GABRB1: variants seen among roughly 807,000 people sequenced by gnomAD.
GABRB1 encodes the protein gamma-aminobutyric acid type A receptor subunit beta1.
Under a neutral mutation model 51.6 loss-of-function variants are expected in GABRB1, and 17 were observed. That is an observed-to-expected ratio of 0.33 (90% confidence interval 0.23 to 0.49). GABRB1 has a LOEUF of 0.49. Ranked by LOEUF, GABRB1 falls within the 20% of genes least tolerant of loss-of-function variation. The pLI is 0.99. For synonymous variants in GABRB1, 247 were observed against 218.9 expected (o/e 1.13, Z -1.14); for missense variants, 410 against 600.6 (o/e 0.68, Z 3.32).
intron 3 of GABRB1, among the ~76,000 whole-genome samples, chr4:47,153,615 T>C (rs574170780): frequency 1.5e-4 from 23 of 152,212 alleles, no homozygotes; most frequent in Middle Eastern, 3.4e-3. Context: ...GTTCATTTTA[T>C]TGGAATCCAT....
chr4:47,270,835 A>G (rs1722844875), intron 4 of GABRB1, among the ~76,000 whole-genome samples: 1 of 152,200 alleles, frequency 6.6e-6, no homozygotes, highest in Non-Finnish European at 1.5e-5. Context: ...CTTCCCTGGA[A>G]GAACTTCAAA....
Position 47,031,893 on chromosome 4 carries a change from G to A in GABRB1, c.81-21G>A, listed in dbSNP as rs1194757371. 10 of 1,605,024 alleles carry A rather than the reference G, an allele frequency of 6.2e-6. No individual in the cohort carries two copies. The South Asian group carries it at 1.1e-4, about 18-fold the overall frequency. Reference sequence around the variant, plus strand: ...ACAGTTTGTGCTCATTTTGAATACGGTCCCTACTTCTTCCCCTTAGCACCA... The same window carrying A: ...ACAGTTTGTGCTCATTTTGAATACGATCCCTACTTCTTCCCCTTAGCACCA... On this transcript the variant is annotated intron_variant, in intron 1 of 8. Transcript: ENST00000295454.
intron 4 of GABRB1, among the ~76,000 whole-genome samples, chr4:47,260,141 T>C (rs1722371230): frequency 6.6e-6 from 1 of 152,228 alleles, no homozygotes. Context: ...GAGGCTAGGA[T>C]TGCAACCCCT....
intron 4 of GABRB1, among the ~76,000 whole-genome samples, chr4:47,318,651 C>T (rs1202121584): frequency 6.6e-6 from 1 of 152,050 alleles, no homozygotes; most frequent in Non-Finnish European, 1.5e-5. Context: ...TATTCAAACT[C>T]AAGGACCCTA....
intron 4 of GABRB1, among the ~76,000 whole-genome samples, chr4:47,235,131 A>T (rs1721280946): frequency 6.6e-6 from 1 of 152,162 alleles, no homozygotes; most frequent in Admixed American, 6.5e-5. Context: ...ATAACATACT[A>T]ACCAGTCCTT....
At position 47,164,049 on chromosome 4, in the gene GABRB1, G is replaced by C. The variant is rs896383313; in HGVS notation, c.461+2580G>C. Among the ~76,000 whole-genome samples the C allele has an allele frequency of 2.6e-5, 4 of 151,808 alleles. No homozygotes were observed. In the East Asian group the frequency reaches 7.8e-4, roughly 29 times the overall value. ...GTGGGAGAGAGAATACCAAGGGGGA[G>C]GAACCCCATACTTACCAAAAAAAAC... On this transcript the variant is annotated intron_variant, in intron 4 of 8. Coordinates refer to ENST00000295454, the MANE Select transcript of GABRB1 (RefSeq NM_000812.4).
intron 3 of GABRB1, among the ~76,000 whole-genome samples, chr4:47,125,704 T>C (rs942524846): frequency 1.1e-3 from 169 of 147,758 alleles, no homozygotes; most frequent in Middle Eastern, 3.5e-3. Context: ...TACAGGCGCC[T>C]GCCACTACGC....
chr4:47,271,516 C>T (rs967374959), intron 4 of GABRB1, among the ~76,000 whole-genome samples: 1 of 152,198 alleles, frequency 6.6e-6, no homozygotes, highest in East Asian at 1.9e-4. Flanking sequence ...TGGGGCATCT[C>T]TTTCCCTGGC....
At chr4:47,270,842 C>CA (rs1280818131) in intron 4 of GABRB1, among the ~76,000 whole-genome samples, 1 of 152,162 alleles carries the variant, frequency 6.6e-6, no homozygotes, top group African/African-American at 2.4e-5. Context: ...GGAAGAACTT[C>CA]AAATGGTTTG....
chr4:47,088,901 A>G (rs1398562269), intron 3 of GABRB1, among the ~76,000 whole-genome samples: 1 of 152,212 alleles, frequency 6.6e-6, no homozygotes, highest in Non-Finnish European at 1.5e-5. Context: ...AGAAGAGGCC[A>G]TATGATTATC....
At chr4:47,040,510 C>T (rs1376882657) in intron 3 of GABRB1, among the ~76,000 whole-genome samples, 2 of 152,104 alleles carry the variant, frequency 1.3e-5, no homozygotes, top group South Asian at 2.1e-4. Context: ...AAGTGATTGA[C>T]ATCGGGGCTG....
chr4:47,167,424 T>C (rs553165269), intron 4 of GABRB1, among the ~76,000 whole-genome samples: 63 of 152,122 alleles, frequency 4.1e-4, no homozygotes, highest in Non-Finnish European at 3.4e-4. Context: ...AAAATGCCTT[T>C]TTAAATTTTT....
intron 4 of GABRB1, among the ~76,000 whole-genome samples, chr4:47,189,058 G>C (rs1719317868): frequency 1.3e-5 from 2 of 151,900 alleles, no homozygotes; most frequent in Non-Finnish European, 2.9e-5. Context: ...TCCTGAGCGT[G>C]GAAAGGGCCA....
At chr4:47,004,844 GA>G (rs1278179663) in intron 1 of GABRB1, among the ~76,000 whole-genome samples, 1 of 152,146 alleles carries the variant, frequency 6.6e-6, no homozygotes, top group Admixed American at 6.5e-5. Flanking sequence ...ATACTTCTAG[GA>G]AAAACAATAT....
At chr4:47,220,337 G>A (rs938465208) in intron 4 of GABRB1, among the ~76,000 whole-genome samples, 9 of 151,876 alleles carry the variant, frequency 5.9e-5, no homozygotes, top group Non-Finnish European at 1.0e-4. Context: ...CTACTTTGAT[G>A]TCTCTATTCT....
intron 3 of GABRB1, among the ~76,000 whole-genome samples, chr4:47,074,970 G>A (rs1727488261): frequency 6.6e-6 from 1 of 152,144 alleles, no homozygotes; most frequent in Non-Finnish European, 1.5e-5. Flanking sequence ...TTCCTCTCTT[G>A]CCAAGGTATG....
intron 4 of GABRB1, among the ~76,000 whole-genome samples, chr4:47,195,456 T>TAGA (rs374834648): frequency 1.0e-4 from 9 of 89,658 alleles, no homozygotes; most frequent in African/African-American, 3.9e-4. Context: ...GATAGATAGA[T>TAGA]TAGATGATAG....
intron 5 of GABRB1, among the ~76,000 whole-genome samples, chr4:47,331,382 A>C (rs1725473849): frequency 6.6e-6 from 1 of 152,146 alleles, no homozygotes; most frequent in African/African-American, 2.4e-5. Flanking sequence ...AGTTCCTTTT[A>C]TGAAAATTAG....
intron 3 of GABRB1, among the ~76,000 whole-genome samples, chr4:47,071,504 A>G (rs985374323): frequency 5.9e-5 from 9 of 152,282 alleles, no homozygotes; most frequent in African/African-American, 1.7e-4. Context: ...TTCACAAGGT[A>G]TAAAATGGCA....
Sources: allele counts gnomAD v4.1 joint callset (sites outside exome capture counted in the v4.1 genomes callset), GRCh38; gene constraint gnomAD v4.1.1; transcripts MANE v1.5; gene names NCBI Gene and HGNC (gene_info 2026-07-23, HGNC 2026-07-21).